The following NRXN3 variants were observed in gnomAD, a reference collection of about 807,000 sequenced individuals.
NRXN3 encodes neurexin 3.
Under a neutral mutation model 137.6 loss-of-function variants are expected in NRXN3, and 32 were observed. The observed-to-expected ratio is 0.23, with a 90% CI of 0.18 to 0.31. The LOEUF is 0.31. NRXN3 is among the 10% of genes least tolerant of loss of function. The pLI, the probability that NRXN3 is intolerant of heterozygous loss-of-function variation, is 1.00. For missense variants in NRXN3, 1,574 were observed against 2,062.5 expected, an observed-to-expected ratio of 0.76 and a Z score of 4.59; for synonymous variants, 798 against 784.5, an observed-to-expected ratio of 1.02 and a Z score of -0.29.
chr14:78,928,763 C>G (rs188411766), intron 10 of NRXN3, among the ~76,000 whole-genome samples: 1 of 152,102 alleles, frequency 6.6e-6, no homozygotes, highest in Non-Finnish European at 1.5e-5. Flanking sequence ...AATAAACATA[C>G]GTGTGCATGT....
chr14:78,560,344 G>A (rs139764245), intron 4 of NRXN3, among the ~76,000 whole-genome samples: 80 of 152,260 alleles, frequency 5.3e-4, no homozygotes, highest in African/African-American at 1.5e-3. Context: ...TAATCTTCTG[G>A]TTGGGATTGG....
intron 16 of NRXN3, among the ~76,000 whole-genome samples, chr14:79,520,996 A>G (rs1413512713): frequency 6.6e-6 from 1 of 152,212 alleles, no homozygotes; most frequent in African/African-American, 2.4e-5. Flanking sequence ...TGTTTACAAT[A>G]GCAAAGACTT....
chr14:79,583,653 G>C (rs961738773), intron 16 of NRXN3, among the ~76,000 whole-genome samples: 1 of 152,096 alleles, frequency 6.6e-6, no homozygotes, highest in East Asian at 1.9e-4. Flanking sequence ...AAATGACCAT[G>C]CAGTCACTGT....
At chr14:79,444,272 T>C (rs1488191705) in intron 15 of NRXN3, among the ~76,000 whole-genome samples, 2 of 152,186 alleles carry the variant, frequency 1.3e-5, no homozygotes, top group Admixed American at 1.3e-4. Flanking sequence ...TTGGAGAGAA[T>C]GCCTTCCCAA....
chr14:78,367,291 G>A (rs140002581), intron 4 of NRXN3, among the ~76,000 whole-genome samples: 1 of 152,084 alleles, frequency 6.6e-6, no homozygotes, highest in Non-Finnish European at 1.5e-5. Flanking sequence ...GCACTGGGCT[G>A]TGGGACTAGG....
intron 15 of NRXN3, among the ~76,000 whole-genome samples, chr14:79,177,331 C>G (rs1027081797): frequency 6.6e-6 from 1 of 152,110 alleles, no homozygotes; most frequent in Non-Finnish European, 1.5e-5. Context: ...CCCGCTCACT[C>G]CCGACTTCAA....
chr14:79,720,596 A>C (rs751470652), intron 19 of NRXN3, among the ~76,000 whole-genome samples: 1 of 152,126 alleles, frequency 6.6e-6, no homozygotes, highest in Non-Finnish European at 1.5e-5. Context: ...CTGTGCTGCT[A>C]TGCAATCTAT....
chr14:79,227,784 T>C (rs965023118), intron 15 of NRXN3, among the ~76,000 whole-genome samples: 22 of 88,136 alleles, frequency 2.5e-4, no homozygotes, highest in Admixed American at 2.6e-4. Context: ...CTTCCTTCCT[T>C]CCCTCCTCCC....
chr14:78,775,620 G>T (rs1334074975), intron 8 of NRXN3, among the ~76,000 whole-genome samples: 1 of 152,166 alleles, frequency 6.6e-6, no homozygotes, highest in Non-Finnish European at 1.5e-5. Flanking sequence ...AGATAGGGTG[G>T]CCTGACATAT....
At chr14:79,414,037 A>G (rs2095460180) in intron 15 of NRXN3, among the ~76,000 whole-genome samples, 1 of 152,050 alleles carries the variant, frequency 6.6e-6, no homozygotes, top group South Asian at 2.1e-4. Flanking sequence ...AATGTATTTC[A>G]ATCAAGAGCT....
At chr14:78,789,549 C>T (rs1206113772) in intron 8 of NRXN3, among the ~76,000 whole-genome samples, 2 of 152,138 alleles carry the variant, frequency 1.3e-5, no homozygotes, top group Admixed American at 1.3e-4. Context: ...TATACTCCAG[C>T]CACACCAAAT....
chr14:78,580,772 T>C (rs79208114), intron 4 of NRXN3, among the ~76,000 whole-genome samples: 2,052 of 152,300 alleles, frequency 0.013, 40 homozygotes, highest in African/African-American at 0.047. Flanking sequence ...GCTTTGATCA[T>C]TGTACAAAAG....
chr14:78,699,076 T>G (rs988687113), intron 6 of NRXN3, among the ~76,000 whole-genome samples: 2 of 152,032 alleles, frequency 1.3e-5, no homozygotes, highest in Non-Finnish European at 2.9e-5. Flanking sequence ...AGGCATAGGT[T>G]TCTCCCCTTG....
At chr14:79,649,292 C>T (rs997009040) in intron 16 of NRXN3, among the ~76,000 whole-genome samples, 7 of 152,084 alleles carry the variant, frequency 4.6e-5, no homozygotes, top group Non-Finnish European at 8.8e-5. Flanking sequence ...GGCCAGGATC[C>T]GGGGTAAGTG....
intron 16 of NRXN3, among the ~76,000 whole-genome samples, chr14:79,532,034 G>A (rs971692479): frequency 2.0e-5 from 3 of 152,134 alleles, no homozygotes; most frequent in African/African-American, 7.2e-5. Flanking sequence ...GGGGTGAAAA[G>A]TGTCATTTCT....
At chr14:79,545,683 T>A (rs2097312443) in intron 16 of NRXN3, among the ~76,000 whole-genome samples, 1 of 151,650 alleles carries the variant, frequency 6.6e-6, no homozygotes, top group African/African-American at 2.4e-5. Flanking sequence ...TTTTTTGTTG[T>A]TGTTGTTTTT....
intron 15 of NRXN3, among the ~76,000 whole-genome samples, chr14:79,163,905 A>G (rs922644162): frequency 1.0e-5 from 1 of 95,486 alleles, no homozygotes; most frequent in African/African-American, 3.2e-5. Flanking sequence ...AACAACAACA[A>G]TAATATTTTC....
intron 19 of NRXN3, among the ~76,000 whole-genome samples, chr14:79,796,484 C>A (rs2099161282): frequency 6.6e-6 from 1 of 152,018 alleles, no homozygotes; most frequent in South Asian, 2.1e-4. Context: ...TTGATCTACC[C>A]TTCCCTTTTT....
At chr14:79,479,434 A>G (rs999773341) in intron 16 of NRXN3, among the ~76,000 whole-genome samples, 3 of 152,116 alleles carry the variant, frequency 2.0e-5, no homozygotes, top group Admixed American at 6.6e-5. Flanking sequence ...AAGGAAAGAA[A>G]AGAGGACTTA....
Sources: gnomAD v4.1 joint callset for allele counts (sites outside exome capture counted in the v4.1 genomes callset) on GRCh38, gnomAD v4.1.1 for gene constraint, MANE v1.5 for transcripts, NCBI Gene and HGNC (gene_info 2026-07-23, HGNC 2026-07-21) for gene names.